The following SPAG16 variants were observed in gnomAD, a reference collection of about 807,000 sequenced individuals.
SPAG16 encodes sperm-associated antigen 16 protein.
In SPAG16, 86 loss-of-function variants were observed where a neutral mutation model predicts 80.4. The ratio of observed to expected loss-of-function variants is 1.07; its 90% CI spans 0.90 to 1.28. The LOEUF is 1.28. Among genes scored for constraint, SPAG16 ranks in the 50% most tolerant of loss-of-function variants. SPAG16 has a pLI of 0.00. For synonymous variants in SPAG16, 294 were observed against 265.9 expected (o/e 1.11, Z -1.03); for missense variants, 870 against 765.3 (o/e 1.14, Z -1.61).
chr2:214,208,549 T>C (rs1465534143), intron 15 of SPAG16, among the ~76,000 whole-genome samples: 2 of 152,166 alleles, frequency 1.3e-5, no homozygotes, highest in Non-Finnish European at 2.9e-5. Flanking sequence ...ATATCAGTCA[T>C]AGTATAATAG....
At chr2:213,536,390 T>G (rs2076248533) in intron 10 of SPAG16, among the ~76,000 whole-genome samples, 1 of 152,172 alleles carries the variant, frequency 6.6e-6, no homozygotes, top group African/African-American at 2.4e-5. Context: ...TTTAGATCCC[T>G]GAGGAATCGC....
At chr2:214,183,813 G>A (rs1487690628) in intron 15 of SPAG16, among the ~76,000 whole-genome samples, 1 of 151,968 alleles carries the variant, frequency 6.6e-6, no homozygotes, top group African/African-American at 2.4e-5. Context: ...ACCAATGAAA[G>A]GCTTCACCGA....
chr2:213,295,954 A>G, intron 1 of SPAG16, 110 bp from the exon 2 acceptor site: 2 of 839,252 alleles, frequency 2.4e-6, no homozygotes, highest in South Asian at 3.4e-5. Flanking sequence ...ATATTTACCA[A>G]CTTCCTGGTG....
intron 12 of SPAG16, among the ~76,000 whole-genome samples, chr2:214,002,084 A>C (rs1413959395): frequency 6.6e-6 from 1 of 152,168 alleles, no homozygotes; most frequent in Non-Finnish European, 1.5e-5. Flanking sequence ...AGACTTATTC[A>C]CTACCAAGAG....
intron 10 of SPAG16, among the ~76,000 whole-genome samples, chr2:213,674,261 A>G (rs1343434132): frequency 6.6e-6 from 1 of 152,098 alleles, no homozygotes; most frequent in Non-Finnish European, 1.5e-5. Flanking sequence ...GTTCTCTACG[A>G]CAACATACTT....
At chr2:213,662,198 C>T (rs895644254) in intron 10 of SPAG16, among the ~76,000 whole-genome samples, 1 of 152,010 alleles carries the variant, frequency 6.6e-6, no homozygotes, top group African/African-American at 2.4e-5. Context: ...GAAAGATAGA[C>T]ATCATTCATT....
chr2:213,584,122 C>G (rs917884370), intron 10 of SPAG16, among the ~76,000 whole-genome samples: 3 of 152,202 alleles, frequency 2.0e-5, no homozygotes, highest in Admixed American at 2.0e-4. Flanking sequence ...GGATGACCCC[C>G]TAACATGTAG....
chr2:213,388,001 A>T (rs569467181), intron 9 of SPAG16, among the ~76,000 whole-genome samples: 3 of 152,190 alleles, frequency 2.0e-5, no homozygotes, highest in Admixed American at 6.5e-5. Flanking sequence ...TCTGTCTGAT[A>T]TAATGATTTG....
At chr2:213,448,517 G>A (rs1161178835) in intron 9 of SPAG16, among the ~76,000 whole-genome samples, 1 of 152,104 alleles carries the variant, frequency 6.6e-6, no homozygotes, top group African/African-American at 2.4e-5. Context: ...CTTGTTTTTA[G>A]TGTGCCGTAC....
chr2:213,604,319 T>C (rs568981561), intron 10 of SPAG16, among the ~76,000 whole-genome samples: 5 of 152,362 alleles, frequency 3.3e-5, no homozygotes, highest in Admixed American at 2.6e-4. Flanking sequence ...TACAGAACTC[T>C]TATTTTTTTC....
At chr2:213,778,872 C>G (rs374159519) in intron 10 of SPAG16, among the ~76,000 whole-genome samples, 4 of 152,088 alleles carry the variant, frequency 2.6e-5, no homozygotes, top group Admixed American at 6.5e-5. Flanking sequence ...TCTCAGCAAG[C>G]CTTCTTTGGC....
At chr2:213,562,675 A>G (rs2059631504) in intron 10 of SPAG16, among the ~76,000 whole-genome samples, 1 of 151,494 alleles carries the variant, frequency 6.6e-6, no homozygotes, top group Non-Finnish European at 1.5e-5. Flanking sequence ...CCAATGTCAT[A>G]TTTATAGATG....
At chr2:214,049,390 A>G (rs1459270381) in intron 13 of SPAG16, among the ~76,000 whole-genome samples, 3 of 152,076 alleles carry the variant, frequency 2.0e-5, no homozygotes, top group Non-Finnish European at 4.4e-5. Context: ...AACTCCTGTC[A>G]TGCTCTCTGA....
intron 15 of SPAG16, chr2:214,250,000 C>T (rs1052214547): frequency 3.3e-5 from 5 of 152,148 alleles, no homozygotes; most frequent in East Asian, 1.9e-4. Context: ...AATTCAGTTC[C>T]GCTGATGTTC....
intron 10 of SPAG16, among the ~76,000 whole-genome samples, chr2:213,543,854 T>C (rs1375910673): frequency 6.6e-6 from 1 of 152,124 alleles, no homozygotes; most frequent in Non-Finnish European, 1.5e-5. Flanking sequence ...GAATTTTCAC[T>C]GGAATTGTGT....
chr2:214,359,947 A>G (rs966568449), intron 15 of SPAG16, among the ~76,000 whole-genome samples: 3 of 151,866 alleles, frequency 2.0e-5, no homozygotes, highest in Non-Finnish European at 4.4e-5. Context: ...TTAGTCTACA[A>G]TTGGCTTACT....
At chr2:213,593,475 CTT>C (rs1311294846) in intron 10 of SPAG16, among the ~76,000 whole-genome samples, 3 of 151,840 alleles carry the variant, frequency 2.0e-5, no homozygotes, top group African/African-American at 7.3e-5. Context: ...AAAAGTATAC[CTT>C]TTTAGGTGCT....
chr2:214,063,350 T>G (rs889689677), intron 13 of SPAG16, among the ~76,000 whole-genome samples: 2 of 152,134 alleles, frequency 1.3e-5, no homozygotes, highest in Non-Finnish European at 2.9e-5. Flanking sequence ...CAATGAAAAT[T>G]TATTTTTCAT....
chr2:214,108,291 T>G (rs2053482556), intron 14 of SPAG16, 30 bp downstream of exon 14: 1 of 1,531,998 alleles, frequency 6.5e-7, no homozygotes, highest in Admixed American at 1.8e-5. Context: ...TAAACTGTTT[T>G]TAATGCTTCA....
Sources: gnomAD v4.1 joint callset for allele counts (sites outside exome capture counted in the v4.1 genomes callset) on GRCh38, gnomAD v4.1.1 for gene constraint, MANE v1.5 for transcripts, NCBI Gene and HGNC (gene_info 2026-07-23, HGNC 2026-07-21) for gene names.